Variants in ZNF385D observed in about 807,000 individuals in gnomAD.
The protein encoded by ZNF385D is zinc finger protein 385D.
In ZNF385D, 15 loss-of-function variants were observed where a neutral mutation model predicts 35.8. The observed-to-expected ratio is 0.42, with a 90% confidence interval of 0.28 to 0.64. The LOEUF is 0.64. ZNF385D is among the 30% of genes least tolerant of loss of function. The probability of loss-of-function intolerance (pLI) is 0.23; values close to 1 mark genes in which losing one functional copy is unlikely to be tolerated. For missense variants in ZNF385D, 474 were observed against 494.6 expected, an observed-to-expected ratio of 0.96 and a Z score of 0.39; for synonymous variants, 212 against 186.8, an observed-to-expected ratio of 1.13 and a Z score of -1.10.
chr3:22,339,258 G>C (rs558050780), intron 2 of ZNF385D, among the ~76,000 whole-genome samples: 1 of 152,038 alleles, frequency 6.6e-6, no homozygotes, highest in Non-Finnish European at 1.5e-5. Flanking sequence ...AACAATGAAA[G>C]AAATTGAAGT....
intron 3 of ZNF385D, among the ~76,000 whole-genome samples, chr3:21,953,334 A>G (rs1702149623): frequency 6.6e-6 from 1 of 151,650 alleles, no homozygotes; most frequent in South Asian, 2.1e-4. Context: ...TGACAGTAAA[A>G]TATCTGGAAA....
At chr3:22,311,440 G>T (rs151285312) in intron 2 of ZNF385D, among the ~76,000 whole-genome samples, 1 of 151,776 alleles carries the variant, frequency 6.6e-6, no homozygotes, top group Non-Finnish European at 1.5e-5. Context: ...GTGTGTTTTC[G>T]TTCCTAGTAC....
chr3:21,431,883 A>G (rs1289887676), intron 5 of ZNF385D, among the ~76,000 whole-genome samples: 1 of 152,162 alleles, frequency 6.6e-6, no homozygotes, highest in Non-Finnish European at 1.5e-5. Flanking sequence ...GCAAGTATGT[A>G]TTTCACTTCT....
chr3:21,973,223 C>G (rs531016519), intron 3 of ZNF385D, among the ~76,000 whole-genome samples: 37 of 151,962 alleles, frequency 2.4e-4, no homozygotes, highest in Non-Finnish European at 4.3e-4. Context: ...TCATCATGAC[C>G]AAGTTGGACT....
At chr3:22,204,174 G>A (rs897522865) in intron 2 of ZNF385D, among the ~76,000 whole-genome samples, 3 of 152,020 alleles carry the variant, frequency 2.0e-5, no homozygotes, top group South Asian at 4.1e-4. Flanking sequence ...TTGGAAGAAC[G>A]TAAGGGAAGA....
chr3:22,263,614 C>G (rs1056877623), intron 2 of ZNF385D, among the ~76,000 whole-genome samples: 10 of 151,960 alleles, frequency 6.6e-5, no homozygotes, highest in Admixed American at 2.6e-4. Flanking sequence ...GTTGCATTCT[C>G]AATGTCTCAA....
intron 3 of ZNF385D, among the ~76,000 whole-genome samples, chr3:21,812,250 G>C (rs2072952195): frequency 6.6e-6 from 1 of 152,352 alleles, no homozygotes; most frequent in South Asian, 2.1e-4. Context: ...TGGTCGAATA[G>C]GAACAGCTCC....
intron 2 of ZNF385D, among the ~76,000 whole-genome samples, chr3:21,657,601 G>A (rs957607155): frequency 6.6e-6 from 1 of 151,878 alleles, no homozygotes; most frequent in African/African-American, 2.4e-5. Flanking sequence ...TGTCTTCAAA[G>A]GACAAGGAAG....
In ZNF385D at chr3:21,751,080, C is replaced by A. The variant is rs2070055880; in HGVS notation, c.-164G>T. 2.0e-6 allele frequency: 3 copies of A among 1,503,280 alleles called. No homozygotes were observed. Among genetic ancestry groups the A allele is most frequent in the Admixed American group, 4.4e-5 (2 of 45,962 alleles). The allele number at this position is 1,503,280 out of a possible 1,614,324, so 93.1% of individuals were successfully genotyped here. A position where few individuals can be genotyped will look rare whatever the true frequency, so the allele number is the denominator to read the frequency against. ...CCTCCTCCGCGGGATGAGCGCCTTG[C>A]AGGCTGCCTTTCCAGGGCTAAGATC... On this transcript the variant is annotated 5_prime_UTR_variant, in exon 1 of 8. Coordinates refer to ENST00000281523, the MANE Select transcript of ZNF385D (RefSeq NM_024697.3).
chr3:21,943,601 T>A (rs1328486574), intron 3 of ZNF385D, among the ~76,000 whole-genome samples: 3 of 152,072 alleles, frequency 2.0e-5, no homozygotes, highest in African/African-American at 7.2e-5. Context: ...AAATTATATA[T>A]ACTACTTTGT....
At chr3:22,301,379 A>G (rs779892842) in intron 2 of ZNF385D, among the ~76,000 whole-genome samples, 1 of 152,100 alleles carries the variant, frequency 6.6e-6, no homozygotes, top group Non-Finnish European at 1.5e-5. Flanking sequence ...GACTATAGTT[A>G]ATAACAATGT....
intron 3 of ZNF385D, among the ~76,000 whole-genome samples, chr3:21,786,015 C>A (rs974601588): frequency 7.8e-6 from 1 of 127,654 alleles, no homozygotes; most frequent in African/African-American, 3.1e-5. Context: ...AGTGCTGTTA[C>A]TTTACCCTTT....
intron 3 of ZNF385D, among the ~76,000 whole-genome samples, chr3:21,948,713 T>C (rs1281479875): frequency 1.3e-5 from 2 of 149,888 alleles, no homozygotes; most frequent in African/African-American, 5.1e-5. Flanking sequence ...GACAAATATT[T>C]CATTCATTGT....
intron 1 of ZNF385D, among the ~76,000 whole-genome samples, chr3:21,717,413 G>A (rs2125436762): frequency 6.6e-6 from 1 of 152,284 alleles, no homozygotes. Flanking sequence ...CCCTTGTGAT[G>A]ACTTTCTGTT....
At chr3:22,041,300 T>C (rs910844347) in intron 3 of ZNF385D, among the ~76,000 whole-genome samples, 3 of 152,118 alleles carry the variant, frequency 2.0e-5, no homozygotes, top group Non-Finnish European at 2.9e-5. Context: ...GCCAGGCATC[T>C]ATAGTACTCT....
At chr3:21,813,188 T>C (rs888263092) in intron 3 of ZNF385D, among the ~76,000 whole-genome samples, 1 of 152,030 alleles carries the variant, frequency 6.6e-6, no homozygotes. Context: ...CAAAACCCCA[T>C]CTGTAGGTCA....
At chr3:21,740,430 T>A (rs901727405) in intron 1 of ZNF385D, among the ~76,000 whole-genome samples, 1 of 152,130 alleles carries the variant, frequency 6.6e-6, no homozygotes, top group Non-Finnish European at 1.5e-5. Flanking sequence ...AAACACTAAG[T>A]TTTGGGAAGC....
At chr3:21,969,558 A>C (rs922950215) in intron 3 of ZNF385D, among the ~76,000 whole-genome samples, 1 of 152,072 alleles carries the variant, frequency 6.6e-6, no homozygotes, top group African/African-American at 2.4e-5. Context: ...ACTAATTAAT[A>C]CCCGCGGTGC....
At chr3:22,232,978 T>C (rs1283160609) in intron 2 of ZNF385D, among the ~76,000 whole-genome samples, 1 of 152,204 alleles carries the variant, frequency 6.6e-6, no homozygotes, top group Non-Finnish European at 1.5e-5. Flanking sequence ...TTATCATTTT[T>C]GTTTGTTTTA....
Sources: gnomAD v4.1 joint callset for allele counts (sites outside exome capture counted in the v4.1 genomes callset) on GRCh38, gnomAD v4.1.1 for gene constraint, MANE v1.5 for transcripts, NCBI Gene and HGNC (gene_info 2026-07-23, HGNC 2026-07-21) for gene names.